Variants in SFTPD observed in about 807,000 individuals in gnomAD.
SFTPD encodes pulmonary surfactant-associated protein D.
In SFTPD, 18 loss-of-function variants were observed where a neutral mutation model predicts 34.6. That is an observed-to-expected ratio of 0.52 (90% CI 0.36 to 0.77). SFTPD has a LOEUF of 0.77. Ranked by LOEUF, SFTPD falls within the 30% of genes least tolerant of loss-of-function variation. The pLI is 0.00. For synonymous variants in SFTPD, 155 were observed against 180.9 expected (o/e 0.86, Z 1.15); for missense variants, 433 against 468.9 (o/e 0.92, Z 0.71).
intron 1 of SFTPD, among the ~76,000 whole-genome samples, chr10:79,958,260 A>T (rs1351106705): frequency 6.6e-6 from 1 of 152,194 alleles, no homozygotes; most frequent in East Asian, 1.9e-4. Flanking sequence ...CAAAATAACC[A>T]GCTAACATCA....
intron 5 of SFTPD, 127 bp from the exon 6 acceptor site, chr10:79,941,641 C>T (rs950620217): frequency 2.8e-6 from 2 of 721,070 alleles, no homozygotes; most frequent in Admixed American, 2.7e-5. Context: ...GTCCCCAGTA[C>T]CCAGCCATGC....
At chr10:79,965,376 T>C (rs2132517175) in intron 1 of SFTPD, among the ~76,000 whole-genome samples, 1 of 152,062 alleles carries the variant, frequency 6.6e-6, no homozygotes, top group East Asian at 1.9e-4. Context: ...ATATCACCCC[T>C]TACCACAAAA....
At chr10:79,950,515 C>G (rs972765543), upstream of SFTPD, 1 of 152,222 alleles carries the variant, frequency 6.6e-6, no homozygotes, top group Middle Eastern at 3.2e-3. Context: ...AGACCCCAAT[C>G]TCTTCTGGCT....
At chr10:79,968,933 A>AT (rs1842819431) in intron 1 of SFTPD, 1 of 151,814 alleles carries the variant, frequency 6.6e-6, no homozygotes, top group African/African-American at 2.4e-5. Context: ...GATATTGAGC[A>AT]TTTTTTCATA....
At chr10:79,939,366 A>G (rs1220457495) in intron 7 of SFTPD, among the ~76,000 whole-genome samples, 1 of 152,186 alleles carries the variant, frequency 6.6e-6, no homozygotes, top group Non-Finnish European at 1.5e-5. Context: ...TCAGGGTGGC[A>G]CCCAGAGCAG....
intron 1 of SFTPD, among the ~76,000 whole-genome samples, chr10:79,976,743 C>T (rs1315893596): frequency 1.3e-5 from 2 of 152,154 alleles, no homozygotes; most frequent in Non-Finnish European, 2.9e-5. Context: ...TGGGTGCTGC[C>T]TGGCAACCAT....
intron 1 of SFTPD, among the ~76,000 whole-genome samples, chr10:79,978,241 T>A (rs1842873027): frequency 1.3e-5 from 2 of 152,188 alleles, no homozygotes; most frequent in African/African-American, 4.8e-5. Context: ...ACAAATGTAA[T>A]ACATCACAAC....
At position 79,941,432 on chromosome 10, in the gene SFTPD, T is replaced by C. The variant is rs768468382; in HGVS notation, c.633A>G (p.Gly211=). The change falls in exon 6 of 8, where the codon GGA becomes GGG. Residue 211 remains glycine (G), a synonymous_variant. Transcript: ENST00000372292. ...CACTTTCTCCCTTTGCTCCTTTGTC[T>C]CCAGGAATGCCTTTGTCCCCCTTCA... The part of the protein sequence containing the change: ...PGLKGDKGIP[G]DKGAKGESGL... 18 of 1,614,076 alleles carry C rather than the reference T, an allele frequency of 1.1e-5. No individual in the cohort carries two copies. The highest frequency in any genetic ancestry group is 1.5e-5 in the Non-Finnish European group (18 of 1,179,952).
rs17878740 is a variant in SFTPD, at chr10:79,946,979, C to T, written c.-3-317G>A. On this transcript the variant is annotated intron_variant, in intron 1 of 7. Coordinates refer to ENST00000372292, the MANE Select transcript of SFTPD (RefSeq NM_003019.5). Reference sequence around the variant, plus strand: ...GGCACAGTGGCTAGGATGTAGCATTCCTCACTGGGGCCATCTGTCACATCA... The same window carrying T: ...GGCACAGTGGCTAGGATGTAGCATTTCTCACTGGGGCCATCTGTCACATCA... 1.5e-3 allele frequency among the ~76,000 whole-genome samples: 230 copies of T among 152,366 alleles called. 1 individual carries two copies. The highest frequency in any genetic ancestry group is 5.1e-3 in the African/African-American group (214 of 41,592).
At chr10:79,939,267 C>G (rs1842588409) in intron 7 of SFTPD, among the ~76,000 whole-genome samples, 1 of 152,224 alleles carries the variant, frequency 6.6e-6, no homozygotes. Flanking sequence ...ACACTGGAAG[C>G]TCCAGAGAAG....
In SFTPD at chr10:79,942,059, C is replaced by A. The variant is rs1842618458; in HGVS notation, c.445G>T (p.Ala149Ser). Residue 149 changes from alanine (A) to serine (S), a missense_variant, in exon 5 of 8, where the codon GCC becomes TCC. Ala to Ser is a moderately conservative substitution (Grantham distance 99). Coordinates refer to ENST00000372292, the MANE Select transcript of SFTPD (RefSeq NM_003019.5). ...GEAGPKGEVG[A>S]PGMQGSAGAR... Reference sequence around the variant, plus strand: ...CCTGCCGAGCCCTGCATGCCTGGGGCACCTACTTCTCCTGAAGAAGGAACA... The same window carrying A: ...CCTGCCGAGCCCTGCATGCCTGGGGAACCTACTTCTCCTGAAGAAGGAACA... The A allele has an allele frequency of 3.7e-6, 6 of 1,611,304 alleles. No individual in the cohort carries two copies. Among genetic ancestry groups the A allele is most frequent in the Non-Finnish European group, 5.1e-6 (6 of 1,177,928 alleles).
chr10:79,960,738 T>A (rs912024432), intron 1 of SFTPD, among the ~76,000 whole-genome samples: 3 of 152,142 alleles, frequency 2.0e-5, no homozygotes, highest in African/African-American at 7.2e-5. Context: ...ATTTATAGAT[T>A]CAAGGCCATC....
At position 79,976,428 on chromosome 10, in the gene SFTPD, A is replaced by G. The variant is rs1349466762; in HGVS notation, c.36+6147T>C. On this transcript the variant is annotated intron_variant, in intron 1 of 5. Transcript: ENST00000444384. ...GAAGTCCCTGGCTACTGAGTCAATC[A>G]TATCTACTGCTCTGGGAAACCACAG... is the stretch of plus-strand genomic sequence containing the variant. 2.0e-5 allele frequency among the ~76,000 whole-genome samples: 3 copies of G among 152,112 alleles called. No homozygotes were observed. The East Asian group carries it at 5.8e-4, about 29-fold the overall frequency.
chr10:79,973,872 C>A (rs374675628), intron 1 of SFTPD, among the ~76,000 whole-genome samples: 93 of 152,238 alleles, frequency 6.1e-4, no homozygotes, highest in African/African-American at 2.2e-3. Context: ...TGCATTATGC[C>A]AAAGGGTTTC....
upstream of SFTPD, chr10:79,950,577 T>C (rs1842703838): frequency 6.6e-6 from 1 of 152,232 alleles, no homozygotes; most frequent in Admixed American, 6.5e-5. Context: ...TTTTCCTGTA[T>C]AGATTAGACA....
chr10:79,963,161 A>T (rs1250931290), intron 1 of SFTPD, among the ~76,000 whole-genome samples: 2 of 152,090 alleles, frequency 1.3e-5, no homozygotes, highest in Non-Finnish European at 2.9e-5. Flanking sequence ...TTGGCAACAT[A>T]GAGAGACCTT....
chr10:79,951,619 C>T (rs1362504107), upstream of SFTPD, among the ~76,000 whole-genome samples: 2 of 152,192 alleles, frequency 1.3e-5, no homozygotes, highest in Non-Finnish European at 2.9e-5. Flanking sequence ...TCTCATTCCC[C>T]AGCACTATAC....
At chr10:79,948,180 C>T (rs1262858069) in intron 1 of SFTPD, among the ~76,000 whole-genome samples, 5 of 152,260 alleles carry the variant, frequency 3.3e-5, no homozygotes, top group Non-Finnish European at 7.3e-5. Context: ...TACCTTGTTA[C>T]ACCTGTTCTG....
upstream of SFTPD, among the ~76,000 whole-genome samples, chr10:79,953,422 GTTT>G (rs3084853): frequency 0.011 from 1,643 of 144,458 alleles, 15 homozygotes; most frequent in Non-Finnish European, 0.016. Flanking sequence ...TGACAGGTGG[GTTT>G]TTTTTTTTTT....
Sources: gnomAD v4.1 joint callset for allele counts (sites outside exome capture counted in the v4.1 genomes callset) on GRCh38, gnomAD v4.1.1 for gene constraint, MANE v1.5 for transcripts, NCBI Gene and HGNC (gene_info 2026-07-23, HGNC 2026-07-21) for gene names.